The following IBTK variants were observed in gnomAD, a reference collection of about 807,000 sequenced individuals.
The protein encoded by IBTK is BTK-binding protein.
A neutral mutation model predicts 154.9 loss-of-function variants in IBTK; 83 were observed. That is an observed-to-expected ratio of 0.54 (90% CI 0.45 to 0.64). IBTK has a LOEUF of 0.64. IBTK is among the 30% of genes least tolerant of loss of function. IBTK has a pLI of 0.00. For synonymous variants in IBTK, 515 were observed against 536.1 expected (o/e 0.96, Z 0.54); for missense variants, 1,332 against 1,584.6 (o/e 0.84, Z 2.71).
intron 27 of IBTK, chr6:82,172,901 G>C (rs1767978219): frequency 5.0e-6 from 1 of 198,688 alleles, no homozygotes; most frequent in Non-Finnish European, 1.0e-5. Flanking sequence ...CAACATAACT[G>C]AACAGAAAGG....
intron 1 of IBTK, among the ~76,000 whole-genome samples, chr6:82,245,442 A>T (rs1450913372): frequency 6.6e-6 from 1 of 152,124 alleles, no homozygotes; most frequent in African/African-American, 2.4e-5. Flanking sequence ...CTGTAGTCCC[A>T]ACTACTCTGG....
intron 1 of IBTK, among the ~76,000 whole-genome samples, chr6:82,243,247 A>AG (rs1771023733): frequency 6.6e-6 from 1 of 152,038 alleles, no homozygotes; most frequent in East Asian, 1.9e-4. Flanking sequence ...TCAAAAAAAA[A>AG]AAAAAAAAGT....
At chr6:82,215,917 G>T (rs1368786219) in intron 11 of IBTK, among the ~76,000 whole-genome samples, 159 bp downstream of exon 11, 1 of 152,012 alleles carries the variant, frequency 6.6e-6, no homozygotes, top group African/African-American at 2.4e-5. Context: ...TCTACCTCTG[G>T]ATTATCTGTA....
intron 10 of IBTK, 134 bp downstream of exon 10, chr6:82,217,826 G>C (rs1439430888): frequency 1.9e-6 from 1 of 529,826 alleles, no homozygotes; most frequent in East Asian, 3.4e-5. Context: ...TAGGAAACAG[G>C]CATTAAAAAA....
chr6:82,194,551 G>C lies in IBTK; in HGVS notation c.3266C>G (p.Ser1089Cys), dbSNP rs1768907496. 6.2e-7 allele frequency: 1 copy of C among 1,611,458 alleles called. No homozygotes were observed. Among genetic ancestry groups the C allele is most frequent in the South Asian group, 1.1e-5 (1 of 90,680 alleles). The change falls in exon 23 of 29, where the codon TCT (serine) becomes TGT (cysteine). Residue 1089 changes from serine to cysteine, a missense_variant. Around this residue, in one of 3 missense-constraint regions of IBTK, gnomAD observed 1,134 missense variants for 1,274.7 expected, o/e 0.89. Coordinates refer to ENST00000306270, the MANE Select transcript of IBTK (RefSeq NM_015525.4). ...PWEKSPILKI[S>C]APQPIPSNRI... ...GTTACTGGGAATAGGCTGTGGAGCA[G>C]ATATTTTAAGTATTGGTGACTTTTC... is the stretch of plus-strand genomic sequence containing the variant.
At chr6:82,233,705 T>A (rs1282055034) in intron 3 of IBTK, among the ~76,000 whole-genome samples, 7 of 146,430 alleles carry the variant, frequency 4.8e-5, no homozygotes, top group Non-Finnish European at 7.5e-5. Flanking sequence ...GGAATACATT[T>A]GTAAAGTTTT....
chr6:82,204,834 T>A (rs780500332), intron 17 of IBTK, 23 bp downstream of exon 17: 1 of 1,347,450 alleles, frequency 7.4e-7, no homozygotes, highest in Admixed American at 1.9e-5. Flanking sequence ...AACATATTAA[T>A]ATTCAAACTC....
At chr6:82,198,134 G>A (rs1389458844) in intron 21 of IBTK, among the ~76,000 whole-genome samples, 3 of 152,140 alleles carry the variant, frequency 2.0e-5, no homozygotes, top group Admixed American at 1.3e-4. Context: ...CATTACTAAT[G>A]TCTCTTCTAG....
intron 2 of IBTK, among the ~76,000 whole-genome samples, chr6:82,237,688 A>AGTAGTAGTG (rs1770781941): frequency 6.7e-6 from 1 of 149,868 alleles, no homozygotes; most frequent in African/African-American, 2.4e-5. Flanking sequence ...TAGTAGTAGT[A>AGTAGTAGTG]GTAGTAGCAG....
chr6:82,194,030 C>T (rs1768888795), intron 23 of IBTK, among the ~76,000 whole-genome samples: 1 of 151,928 alleles, frequency 6.6e-6, no homozygotes, highest in Non-Finnish European at 1.5e-5. Flanking sequence ...ATAATATAGG[C>T]AAGTTAAAAG....
At chr6:82,183,742 G>A (rs1768405011) in intron 25 of IBTK, among the ~76,000 whole-genome samples, 1 of 152,192 alleles carries the variant, frequency 6.6e-6, no homozygotes, top group Non-Finnish European at 1.5e-5. Flanking sequence ...AGCTAGGTCT[G>A]AATGTATTTC....
intron 25 of IBTK, among the ~76,000 whole-genome samples, chr6:82,187,080 T>C (rs1768583348): frequency 6.6e-6 from 1 of 152,020 alleles, no homozygotes; most frequent in Admixed American, 6.5e-5. Context: ...CATGCTCAGC[T>C]AATTTTTGTA....
At chr6:82,198,327 T>C (rs1769078538) in intron 21 of IBTK, among the ~76,000 whole-genome samples, 1 of 152,152 alleles carries the variant, frequency 6.6e-6, no homozygotes, top group African/African-American at 2.4e-5. Flanking sequence ...CGGTAATTCA[T>C]ACAACACAGA....
At chr6:82,210,286 A>G (rs1252067780) in intron 16 of IBTK, 1 of 151,770 alleles carries the variant, frequency 6.6e-6, no homozygotes, top group Admixed American at 6.6e-5. Context: ...GTAGCTGGAA[A>G]TTGAACTGCT....
intron 5 of IBTK, among the ~76,000 whole-genome samples, chr6:82,225,889 A>G (rs1279884575): frequency 6.6e-6 from 1 of 152,202 alleles, no homozygotes; most frequent in Non-Finnish European, 1.5e-5. Context: ...TCAATTCAAC[A>G]AATGATTTTT....
At chr6:82,227,782 C>A (rs1464018119) in intron 4 of IBTK, among the ~76,000 whole-genome samples, 1 of 151,912 alleles carries the variant, frequency 6.6e-6, no homozygotes, top group Non-Finnish European at 1.5e-5. Flanking sequence ...GCGTAGGGGG[C>A]AGTATGTCCT....
chr6:82,189,087 CT>C (rs1299264259), intron 25 of IBTK: 10 of 415,626 alleles, frequency 2.4e-5, no homozygotes, highest in Non-Finnish European at 3.3e-5. Flanking sequence ...CAATATCTGA[CT>C]AATGTGATTT....
chr6:82,182,591 A>C (rs1768361444), intron 25 of IBTK, among the ~76,000 whole-genome samples: 1 of 152,124 alleles, frequency 6.6e-6, no homozygotes, highest in African/African-American at 2.4e-5. Flanking sequence ...AGAAAAAGAA[A>C]CAATGGCCAA....
chr6:82,190,804 A>T (rs1228711989), intron 25 of IBTK, among the ~76,000 whole-genome samples: 1 of 152,088 alleles, frequency 6.6e-6, no homozygotes, highest in African/African-American at 2.4e-5. Context: ...ATATCTATAT[A>T]TGAAAAATAT....
Sources: gnomAD v4.1 joint callset for allele counts (sites outside exome capture counted in the v4.1 genomes callset) on GRCh38, gnomAD v4.1.1 for gene constraint, gnomAD v4.1.1 regional missense constraint, MANE v1.5 for transcripts, NCBI Gene and HGNC (gene_info 2026-07-23, HGNC 2026-07-21) for gene names.